NUFIP2: variants seen among roughly 807,000 people sequenced by gnomAD.
The protein encoded by NUFIP2 is nuclear FMR1 interacting protein 2.
Under a neutral mutation model 56.9 loss-of-function variants are expected in NUFIP2, and 6 were observed. The observed-to-expected ratio is 0.11, with a 90% confidence interval of 0.06 to 0.21. The LOEUF is 0.21. Among genes scored for constraint, NUFIP2 ranks in the 10% least tolerant of loss-of-function variants. The pLI is 1.00. For missense variants in NUFIP2, 828 were observed against 826.8 expected (o/e 1.00, Z -0.02); for synonymous variants, 321 against 298.2 (o/e 1.08, Z -0.79).
Position 29,262,512 on chromosome 17 carries a change from T to C in NUFIP2, c.*2027A>G, listed in dbSNP as rs2069009481. The C allele has an allele frequency of 6.6e-6, 1 of 152,454 alleles. No homozygotes were observed. The highest frequency in any genetic ancestry group is 6.6e-5 in the Admixed American group (1 of 15,248). 9.4% of individuals were successfully genotyped at this position (152,454 alleles called of 1,614,324 possible). On this transcript the variant is annotated 3_prime_UTR_variant, in exon 4 of 4. Transcript: ENST00000225388. ...GGATGCCTCTGCTTTCAATTGTACA[T>C]GGGCCTGAAGCATCCTAGCTTTTGG...
intron 2 of NUFIP2, among the ~76,000 whole-genome samples, chr17:29,272,850 TTTC>T (rs2069083808): frequency 6.6e-6 from 1 of 151,822 alleles, no homozygotes. Flanking sequence ...CTTTTTTTTT[TTTC>T]TTTTCTTTTC....
intron 2 of NUFIP2, among the ~76,000 whole-genome samples, chr17:29,272,064 C>A (rs1200963173): frequency 2.4e-5 from 2 of 83,598 alleles, no homozygotes; most frequent in African/African-American, 1.0e-4. Context: ...CAGAGTGAGA[C>A]TGTCGAAAAG....
Position 29,287,211 on chromosome 17 carries a change from G to T in NUFIP2, c.783C>A (p.Phe261Leu), listed in dbSNP as rs147689798. 2 of 1,614,126 alleles carry T rather than the reference G, an allele frequency of 1.2e-6. No homozygotes were observed. The highest frequency in any genetic ancestry group is 4.5e-5 in the East Asian group (2 of 44,888). The change falls in exon 2 of 4, where the codon TTC becomes TTA. Residue 261 changes from phenylalanine (F) to leucine (L), a missense_variant. By Grantham distance (22) the Phe-to-Leu change is conservative (BLOSUM62 0). Coordinates refer to ENST00000225388, the MANE Select transcript of NUFIP2 (RefSeq NM_020772.3). ...CCTTTTGTTCACTATAGTCAGGCTT[G>T]AAAGTTTCAAGTCCCTGTTTTAAGG... ...VPTLKQGLET[F>L]KPDYSEQKGN...
At position 29,286,707 on chromosome 17, in the gene NUFIP2, A is replaced by G. The variant is rs746072873; in HGVS notation, c.1287T>C (p.Pro429=). The change falls in exon 2 of 4, where the codon CCT becomes CCC. Residue 429 remains proline (P), a synonymous_variant. Coordinates refer to ENST00000225388, the MANE Select transcript of NUFIP2 (RefSeq NM_020772.3). Reference sequence around the variant, plus strand: ...TAGTTAGCAGTGGCTGACCCCCTGGAGGATAAACATTTCCATCAGTCCCTG... The same window carrying G: ...TAGTTAGCAGTGGCTGACCCCCTGGGGGATAAACATTTCCATCAGTCCCTG... ...VLAGTDGNVY[P]PGGQPLLTTA... The G allele has an allele frequency of 1.2e-6, 2 of 1,614,146 alleles. No individual in the cohort carries two copies. The highest frequency in any genetic ancestry group is 1.7e-6 in the Non-Finnish European group (2 of 1,180,036).
intron 2 of NUFIP2, among the ~76,000 whole-genome samples, chr17:29,284,706 C>CAAAAAAAAAAAAAAAA (rs66700326): frequency 3.0e-4 from 16 of 53,604 alleles, no homozygotes; most frequent in South Asian, 9.0e-4. Flanking sequence ...GACTCCATCT[C>CAAAAAAAAAAAAAAAA]AAAAAAAAAA....
chr17:29,292,132 GTTTA>G (rs1407368402), intron 1 of NUFIP2, among the ~76,000 whole-genome samples: 1 of 152,000 alleles, frequency 6.6e-6, no homozygotes, highest in Non-Finnish European at 1.5e-5. Flanking sequence ...TCAATTTCTC[GTTTA>G]TTAAGATTAG....
rs1353357024 is a variant in NUFIP2, at chr17:29,259,151, A to C, written c.*5388T>G. ...AGCCTTTGATTAGCACCTGAGGAAAAAAGGGTACATGGAAAGCTATGTAAT... is the reference window on the plus strand; with the variant it reads ...AGCCTTTGATTAGCACCTGAGGAAACAAGGGTACATGGAAAGCTATGTAAT... On this transcript the variant is annotated 3_prime_UTR_variant, in exon 4 of 4. Coordinates refer to ENST00000225388, the MANE Select transcript of NUFIP2 (RefSeq NM_020772.3). The C allele has an allele frequency of 6.6e-6, 1 of 152,218 alleles. No homozygotes were observed. The highest frequency in any genetic ancestry group is 1.5e-5 in the Non-Finnish European group (1 of 68,040). The allele number at this position is 152,218 out of a possible 1,614,324, so 9.4% of individuals were successfully genotyped here.
At chr17:29,290,152 T>C (rs1024398155) in intron 1 of NUFIP2, among the ~76,000 whole-genome samples, 3 of 152,002 alleles carry the variant, frequency 2.0e-5, no homozygotes, top group Non-Finnish European at 4.4e-5. Context: ...CCCAAAGTGC[T>C]GGGATTACAG....
intron 1 of NUFIP2, among the ~76,000 whole-genome samples, chr17:29,291,518 C>T (rs144681842): frequency 2.3e-4 from 35 of 152,334 alleles, no homozygotes; most frequent in African/African-American, 6.5e-4. Flanking sequence ...TGTTTACATT[C>T]TGTCAAAACT....
intron 2 of NUFIP2, among the ~76,000 whole-genome samples, chr17:29,278,723 A>T (rs988443394): frequency 6.6e-6 from 1 of 152,176 alleles, no homozygotes; most frequent in African/African-American, 2.4e-5. Context: ...TATTTCCCTC[A>T]CACTCAGGAC....
chr17:29,292,146 G>A, intron 1 of NUFIP2, among the ~76,000 whole-genome samples: 1 of 152,108 alleles, frequency 6.6e-6, no homozygotes, highest in East Asian at 1.9e-4. Context: ...ATTAAGATTA[G>A]TTTGGGGATC....
At chr17:29,279,831 T>C (rs2069129718) in intron 2 of NUFIP2, among the ~76,000 whole-genome samples, 1 of 152,188 alleles carries the variant, frequency 6.6e-6, no homozygotes, top group Non-Finnish European at 1.5e-5. Flanking sequence ...TTTTCATTTT[T>C]TGAGGTGAAG....
intron 1 of NUFIP2, among the ~76,000 whole-genome samples, chr17:29,291,777 C>T (rs1480373630): frequency 6.6e-6 from 1 of 152,234 alleles, no homozygotes; most frequent in Non-Finnish European, 1.5e-5. Context: ...TATATAGTCC[C>T]TAACAGTTTT....
intron 2 of NUFIP2, among the ~76,000 whole-genome samples, chr17:29,284,711 A>AC (rs1280742138): frequency 1.3e-5 from 2 of 149,910 alleles, no homozygotes; most frequent in Non-Finnish European, 3.0e-5. Context: ...CATCTCAAAA[A>AC]AAAAAAAAAA....
intron 1 of NUFIP2, among the ~76,000 whole-genome samples, chr17:29,290,688 G>GA (rs986094181): frequency 1.4e-5 from 2 of 144,448 alleles, no homozygotes; most frequent in Admixed American, 6.8e-5. Context: ...AAGAAAGAAA[G>GA]AAAAGCATAA....
At chr17:29,285,962 A>G in intron 2 of NUFIP2, 30 bp downstream of exon 2, 1 of 1,543,972 alleles carries the variant, frequency 6.5e-7, no homozygotes, top group Non-Finnish European at 8.8e-7. Context: ...TGGCCAATAA[A>G]AATCTTTGTA....
In NUFIP2 at chr17:29,286,995, C is replaced by A. The variant is rs748179678; in HGVS notation, c.999G>T (p.Ser333=). The part of the protein sequence containing the change: ...HASAVASKED[S]WTLFKPPPVF... ...CTGGGGGTGGTTTAAATAGGGTCCA[C>A]GAGTCCTCTTTGGAGGCAACAGCTG... The change falls in exon 2 of 4, where the codon TCG becomes TCT. Residue 333 remains serine, a synonymous_variant. Transcript: ENST00000225388. The A allele has an allele frequency of 2.5e-6, 4 of 1,614,034 alleles. No individual in the cohort carries two copies. In the African/African-American group the frequency reaches 4.0e-5, roughly 16 times the overall value.
At chr17:29,281,957 G>C (rs1449163272) in intron 2 of NUFIP2, among the ~76,000 whole-genome samples, 1 of 151,474 alleles carries the variant, frequency 6.6e-6, no homozygotes, top group Non-Finnish European at 1.5e-5. Flanking sequence ...GTAGAGATGG[G>C]GTTTCACTGT....
At position 29,258,763 on chromosome 17, in the gene NUFIP2, A is replaced by G. The variant is rs2068985150; in HGVS notation, c.*5776T>C. 6.6e-6 allele frequency: 1 copy of G among 152,230 alleles called. No homozygotes were observed. Among genetic ancestry groups the G allele is most frequent in the South Asian group, 2.1e-4 (1 of 4,834 alleles). The allele number at this position is 152,230 out of a possible 1,614,324, so 9.4% of individuals were successfully genotyped here. A position where few individuals can be genotyped will look rare whatever the true frequency, so the allele number is the denominator to read the frequency against. ...ATTCACTCTTGTTAGTGGCTGTGCT[A>G]CAGGAAAGGTATCAAAGCAACCTAT... On this transcript the variant is annotated 3_prime_UTR_variant, in exon 4 of 4. Coordinates refer to ENST00000225388, the MANE Select transcript of NUFIP2 (RefSeq NM_020772.3).
Sources: gnomAD v4.1 joint callset for allele counts (sites outside exome capture counted in the v4.1 genomes callset) on GRCh38, gnomAD v4.1.1 for gene constraint, MANE v1.5 for transcripts, NCBI Gene and HGNC (gene_info 2026-07-23, HGNC 2026-07-21) for gene names.